Variants in CSNK2A2 observed in about 807,000 individuals in gnomAD.
CSNK2A2 encodes casein kinase 2 alpha 2.
A neutral mutation model predicts 54.0 loss-of-function variants in CSNK2A2; 8 were observed. The ratio of observed to expected loss-of-function variants is 0.15; its 90% CI spans 0.09 to 0.27. The LOEUF is 0.27. Ranked by LOEUF, CSNK2A2 falls within the 10% of genes least tolerant of loss-of-function variation. CSNK2A2 has a pLI of 1.00. For missense variants in CSNK2A2, 242 were observed against 439.4 expected (o/e 0.55, Z 4.02); for synonymous variants, 141 against 153.9 (o/e 0.92, Z 0.62).
chr16:58,197,561 G>C lies in CSNK2A2; in HGVS notation c.104+72C>G, dbSNP rs922785303. On this transcript the variant is annotated intron_variant, in intron 1 of 11. Transcript: ENST00000262506. This position sits in a 1 kb window ranked among gnomAD's most constrained non-coding sequence, Gnocchi z 4.0. ...CGGCGGGAGACACCACCGGGCCCGA[G>C]TGCGGTTCGCAGGGGGTGGCCGGGC... 112 of 1,059,700 alleles carry C rather than the reference G, an allele frequency of 1.1e-4. No homozygotes were observed. The highest frequency in any genetic ancestry group is 1.5e-4 in the Non-Finnish European group (110 of 745,350). The allele number at this position is 1,059,700 out of a possible 1,614,324, so 65.6% of individuals were successfully genotyped here.
intron 2 of CSNK2A2, among the ~76,000 whole-genome samples, chr16:58,193,531 T>G (rs1962365313): frequency 6.6e-6 from 1 of 152,196 alleles, no homozygotes; most frequent in African/African-American, 2.4e-5. Flanking sequence ...AAAATGCTGT[T>G]TTTTAAAAAT....
chr16:58,190,334 T>G (rs2142447387), intron 2 of CSNK2A2, among the ~76,000 whole-genome samples: 1 of 152,156 alleles, frequency 6.6e-6, no homozygotes, highest in Non-Finnish European at 1.5e-5. Flanking sequence ...AGCTCTCAAA[T>G]TTGGGGTTAC....
intron 2 of CSNK2A2, among the ~76,000 whole-genome samples, chr16:58,190,090 TTCCACAACGA>T (rs1443876973): frequency 6.6e-6 from 1 of 152,158 alleles, no homozygotes; most frequent in East Asian, 1.9e-4. Context: ...ATACATATAT[TTCCACAACGA>T]TCTCACAGTT....
At chr16:58,176,332 A>G (rs545837853) in intron 4 of CSNK2A2, among the ~76,000 whole-genome samples, 1 of 152,314 alleles carries the variant, frequency 6.6e-6, no homozygotes, top group South Asian at 2.1e-4. Context: ...GTAAGCCATA[A>G]AAATAAATGT....
At chr16:58,167,615 G>C in intron 7 of CSNK2A2, 70 bp downstream of exon 7, 1 of 1,196,108 alleles carries the variant, frequency 8.4e-7, no homozygotes, top group South Asian at 1.2e-5. Flanking sequence ...AAACTGACTA[G>C]ATCAACAGCA....
chr16:58,165,527 A>C, intron 10 of CSNK2A2, 33 bp downstream of exon 10: 1 of 1,569,524 alleles, frequency 6.4e-7, no homozygotes, highest in African/African-American at 1.4e-5. Flanking sequence ...TCTTGACTGA[A>C]TTACTCCCTG....
rs541016311 is a variant in CSNK2A2, at chr16:58,197,707, G to A, written c.30C>T (p.Ala10=). MPGPAAGSR[A]RVYAEVNSLR... ...GACTGTTCACCTCGGCGTAGACCCG[G>A]GCCCTGCTGCCCGCGGCCGGGCCGG... The change falls in exon 1 of 12, where the codon GCC becomes GCT. Residue 10 remains alanine, a synonymous_variant. Transcript: ENST00000262506. The surrounding 1 kb of genome is among the most constrained non-coding windows in gnomAD (Gnocchi z 4.0). 2.7e-5 allele frequency: 41 copies of A among 1,514,668 alleles called. No individual in the cohort carries two copies. Among genetic ancestry groups the A allele is most frequent in the Middle Eastern group, 3.7e-4 (2 of 5,378 alleles). 93.8% of individuals were successfully genotyped at this position (1,514,668 alleles called of 1,614,324 possible).
chr16:58,167,576 G>A (rs1005734176), intron 7 of CSNK2A2, 109 bp downstream of exon 7: 3 of 837,054 alleles, frequency 3.6e-6, no homozygotes, highest in Non-Finnish European at 5.7e-6. Context: ...ATTTTAGGGT[G>A]AAATAATGGC....
chr16:58,165,845 T>C, intron 9 of CSNK2A2, 137 bp from the exon 10 acceptor site: 1 of 852,300 alleles, frequency 1.2e-6, no homozygotes, highest in South Asian at 2.0e-5. Context: ...GTGCCTGCCC[T>C]ACGGCCCCAT....
In CSNK2A2 at chr16:58,158,018, A is replaced by G. The variant is rs1020910054; in HGVS notation, c.*353T>C. 3.9e-5 allele frequency: 6 copies of G among 152,626 alleles called. No individual in the cohort carries two copies. Among genetic ancestry groups the G allele is most frequent in the Admixed American group, 3.9e-4 (6 of 15,278 alleles). The allele number at this position is 152,626 out of a possible 1,614,324, so 9.5% of individuals were successfully genotyped here. A position where few individuals can be genotyped will look rare whatever the true frequency, so the allele number is the denominator to read the frequency against. ...CCCACTGTGGAGTCTGTGGTCAGCTAGTTAGCGTGGTTTGCTGGAAAAACA... is the reference window on the plus strand; with the variant it reads ...CCCACTGTGGAGTCTGTGGTCAGCTGGTTAGCGTGGTTTGCTGGAAAAACA... On this transcript the variant is annotated 3_prime_UTR_variant, in exon 12 of 12. Transcript: ENST00000262506.
intron 11 of CSNK2A2, chr16:58,161,515 TTAGACACA>T (rs1469930715): frequency 5.2e-5 from 7 of 134,212 alleles, no homozygotes; most frequent in African/African-American, 2.1e-4. Context: ...AGTCTAAATA[TTAGACACA>T]CAGACACACA....
At chr16:58,165,944 G>C (rs1446884211) in intron 9 of CSNK2A2, among the ~76,000 whole-genome samples, 1 of 152,158 alleles carries the variant, frequency 6.6e-6, no homozygotes, top group African/African-American at 2.4e-5. Flanking sequence ...TTTAGAATAT[G>C]TGGAACCTTT....
chr16:58,196,051 T>A (rs1353729961), intron 2 of CSNK2A2, among the ~76,000 whole-genome samples: 4 of 152,242 alleles, frequency 2.6e-5, no homozygotes, highest in Non-Finnish European at 5.9e-5. Context: ...TTTCCAACTT[T>A]CTTTCTGGAA....
intron 4 of CSNK2A2, among the ~76,000 whole-genome samples, chr16:58,175,761 C>T (rs546495340): frequency 6.6e-6 from 1 of 152,280 alleles, no homozygotes; most frequent in East Asian, 1.9e-4. Context: ...TCTCAAGTTT[C>T]CCCCTTTAGG....
chr16:58,172,563 T>C (rs1396024657), intron 5 of CSNK2A2, among the ~76,000 whole-genome samples: 1 of 152,192 alleles, frequency 6.6e-6, no homozygotes, highest in Non-Finnish European at 1.5e-5. Context: ...CTACTCTTTG[T>C]CCAAAGGAAT....
At chr16:58,195,792 TA>T (rs1962429777) in intron 2 of CSNK2A2, among the ~76,000 whole-genome samples, 1 of 152,258 alleles carries the variant, frequency 6.6e-6, no homozygotes, top group Non-Finnish European at 1.5e-5. Context: ...AATTCATTGC[TA>T]AACCATATAT....
chr16:58,163,968 G>A, intron 11 of CSNK2A2, 86 bp downstream of exon 11: 1 of 1,058,714 alleles, frequency 9.4e-7, no homozygotes, highest in Non-Finnish European at 1.4e-6. Flanking sequence ...GGAATGATAA[G>A]AATTTCTTTT....
chr16:58,172,760 C>T (rs1961776820), intron 5 of CSNK2A2, among the ~76,000 whole-genome samples: 1 of 152,186 alleles, frequency 6.6e-6, no homozygotes, highest in African/African-American at 2.4e-5. Flanking sequence ...AGTTTCTGAC[C>T]ATTAAGCATG....
At position 58,165,622 on chromosome 16, in the gene CSNK2A2, A is replaced by G. The variant is rs550840644; in HGVS notation, c.914T>C (p.Leu305Pro). ...SPEALDLLDKLLRYDHQQRLT... is the reference protein window; with the variant it reads ...SPEALDLLDKPLRYDHQQRLT... ...TCTCTGTTGATGGTCGTATCGCAGA[A>G]GTTTGTCCAGAAGATCTAGGGCCTC... Residue 305 changes from leucine (L) to proline (P), a missense_variant, in exon 10 of 12, where the codon CTT (leucine) becomes CCT (proline). By Grantham distance (98) the Leu-to-Pro change is moderately conservative (BLOSUM62 -3). Around this residue, in one of 5 missense-constraint regions of CSNK2A2, gnomAD observed 81 missense variants for 135.0 expected, o/e 0.60. Coordinates refer to ENST00000262506, the MANE Select transcript of CSNK2A2 (RefSeq NM_001896.4). The G allele has an allele frequency of 6.2e-7, 1 of 1,614,082 alleles. No homozygotes were observed. The highest frequency in any genetic ancestry group is 2.2e-5 in the East Asian group (1 of 44,878).
Sources: gnomAD v4.1 joint callset for allele counts (sites outside exome capture counted in the v4.1 genomes callset) on GRCh38, gnomAD v4.1.1 for gene constraint, gnomAD v4.1.1 regional missense constraint, Gnocchi (gnomAD v3.1) non-coding constraint, MANE v1.5 for transcripts, NCBI Gene and HGNC (gene_info 2026-07-23, HGNC 2026-07-21) for gene names.